Variants in AASDH observed in about 807,000 individuals in gnomAD.
AASDH encodes the protein aminoadipate-semialdehyde dehydrogenase, also known as beta-alanine-activating enzyme.
A neutral mutation model predicts 102.3 loss-of-function variants in AASDH; 81 were observed. The ratio of observed to expected loss-of-function variants is 0.79; its 90% CI spans 0.66 to 0.95. The LOEUF is 0.95. Among genes scored for constraint, AASDH ranks in the 40% least tolerant of loss-of-function variants. The pLI, the probability that AASDH is intolerant of heterozygous loss-of-function variation, is 0.00. For missense variants in AASDH, 1,203 were observed against 1,266.2 expected, an observed-to-expected ratio of 0.95 and a Z score of 0.76; for synonymous variants, 398 against 454.0, an observed-to-expected ratio of 0.88 and a Z score of 1.57.
intron 5 of AASDH, among the ~76,000 whole-genome samples, chr4:56,362,898 C>T (rs576694176): frequency 1.7e-4 from 26 of 152,146 alleles, no homozygotes; most frequent in Admixed American, 1.1e-3. Context: ...TGCAGTGCAC[C>T]GTGTGTAAGC....
At chr4:56,341,389 C>CTTTTTTATTTTTTT in intron 14 of AASDH, among the ~76,000 whole-genome samples, 1 of 92,416 alleles carries the variant, frequency 1.1e-5, no homozygotes, top group Non-Finnish European at 2.0e-5. Context: ...AGACTTTTAT[C>CTTTTTTATTTTTTT]TTTTTTTTTT....
intron 3 of AASDH, among the ~76,000 whole-genome samples, chr4:56,379,562 GATAA>G (rs898009351): frequency 6.6e-6 from 1 of 152,044 alleles, no homozygotes; most frequent in African/African-American, 2.4e-5. Context: ...GGGGTAAAAA[GATAA>G]ATAAATCTCC....
chr4:56,356,596 G>T, intron 5 of AASDH: 1 of 728,324 alleles, frequency 1.4e-6, no homozygotes, highest in Non-Finnish European at 2.5e-6. Context: ...AGCTCAGCTG[G>T]TGGTGACTGC....
chr4:56,353,560 C>CT lies in AASDH; in HGVS notation c.1419dup (p.Val474SerfsTer5), dbSNP rs769641915. 1 of 1,612,752 alleles carries CT rather than the reference C, an allele frequency of 6.2e-7. No individual in the cohort carries two copies. On this transcript the variant is annotated frameshift_variant, in exon 9 of 15. Transcript: ENST00000205214. LOFTEE classifies it high-confidence loss of function. Reference sequence around the variant, plus strand: ...AATTTTTCCTGATTATACCATGTAACTGCACAAGACTCCACTTGCTGAAGC... The same window carrying CT: ...AATTTTTCCTGATTATACCATGTAACTTGCACAAGACTCCACTTGCTGAAGC...
At chr4:56,359,510 C>T (rs1297151742) in intron 5 of AASDH, among the ~76,000 whole-genome samples, 1 of 152,070 alleles carries the variant, frequency 6.6e-6, no homozygotes, top group Non-Finnish European at 1.5e-5. Flanking sequence ...CCACCTCGGC[C>T]CCCCAGAGTG....
intron 4 of AASDH, among the ~76,000 whole-genome samples, chr4:56,376,884 A>G (rs1037829628): frequency 5.9e-5 from 9 of 151,412 alleles, no homozygotes; most frequent in East Asian, 3.9e-4. Context: ...CGGCTAAAAC[A>G]GTGAAACCCC....
chr4:56,339,250 T>C (rs1269554986), intron 14 of AASDH, among the ~76,000 whole-genome samples: 1 of 151,982 alleles, frequency 6.6e-6, no homozygotes, highest in Non-Finnish European at 1.5e-5. Flanking sequence ...GCTTGCCAGG[T>C]TGAAGCGCTT....
rs552744613 is a variant in AASDH, at chr4:56,344,426, G to A, written c.2652+701C>T. Among the ~76,000 whole-genome samples the A allele has an allele frequency of 3.1e-4, 47 of 151,794 alleles. No homozygotes were observed. The South Asian group carries it at 3.3e-3, about 11-fold the overall frequency. ...AACTATTTATATACATTTACTAGCC[G>A]TCTCTTCTTTGGGGTCCTGTGTATT... On this transcript the variant is annotated intron_variant, in intron 12 of 14. Coordinates refer to ENST00000205214, the MANE Select transcript of AASDH (RefSeq NM_181806.4).
chr4:56,346,235 C>T (rs1406157304), intron 11 of AASDH, among the ~76,000 whole-genome samples: 1 of 152,216 alleles, frequency 6.6e-6, no homozygotes, highest in African/African-American at 2.4e-5. Flanking sequence ...ACAGCTCTGC[C>T]TATGGCCGCT....
At chr4:56,341,972 C>T (rs1747741943) in intron 14 of AASDH, among the ~76,000 whole-genome samples, 1 of 151,692 alleles carries the variant, frequency 6.6e-6, no homozygotes, top group Non-Finnish European at 1.5e-5. Context: ...ATTAGCCAGG[C>T]ATGGCAGCAT....
At position 56,349,764 on chromosome 4, in the gene AASDH, G is replaced by T. The variant is rs776659864; in HGVS notation, c.1987C>A (p.Gln663Lys). Reference protein sequence around the residue: ...QEEASGTSLHQKAIMTFTCHN... With the variant: ...QEEASGTSLHKKAIMTFTCHN... ...CAAGTGAAAGTCATGATGGCTTTCT[G>T]ATGTAAAGATGTTCCACTGGCTTCC... The change falls in exon 11 of 15, where the codon CAG becomes AAG. Residue 663 changes from glutamine to lysine, a missense_variant. Physicochemically the swap from Gln to Lys is moderately conservative, Grantham distance 53. Transcript: ENST00000205214. 49 of 1,614,076 alleles carry T rather than the reference G, an allele frequency of 3.0e-5. No homozygotes were observed. The highest frequency in any genetic ancestry group is 3.9e-5 in the Non-Finnish European group (46 of 1,180,042).
At chr4:56,340,093 C>T (rs757372805) in intron 14 of AASDH, among the ~76,000 whole-genome samples, 2 of 151,890 alleles carry the variant, frequency 1.3e-5, no homozygotes, top group Admixed American at 6.6e-5. Flanking sequence ...GGCTTGAACC[C>T]GGGAGGCAGA....
chr4:56,382,468 C>T lies in AASDH; in HGVS notation c.351+9G>A. The T allele has an allele frequency of 6.5e-7, 1 of 1,540,710 alleles. No homozygotes were observed. The highest frequency in any genetic ancestry group is 8.9e-7 in the Non-Finnish European group (1 of 1,124,340). On this transcript the variant is annotated intron_variant, in intron 3 of 14. Coordinates refer to ENST00000205214, the MANE Select transcript of AASDH (RefSeq NM_181806.4). ...ACAGGCAAAAAACAATTGAAACATC[C>T]AGACTTACATTAATTTGTTTTTTTT...
At chr4:56,346,730 C>A (rs1442313071) in intron 11 of AASDH, among the ~76,000 whole-genome samples, 2 of 152,094 alleles carry the variant, frequency 1.3e-5, no homozygotes, top group Non-Finnish European at 2.9e-5. Context: ...AAAAGATACA[C>A]AGAGAGCAAA....
At chr4:56,370,582 T>TCTAATGA (rs1483368639) in intron 5 of AASDH, among the ~76,000 whole-genome samples, 95 of 152,264 alleles carry the variant, frequency 6.2e-4, no homozygotes, top group African/African-American at 2.2e-3. Context: ...AAGACCGCAG[T>TCTAATGA]CTAATGAATC....
chr4:56,385,148 A>G (rs1390665595), intron 1 of AASDH, among the ~76,000 whole-genome samples: 1 of 152,242 alleles, frequency 6.6e-6, no homozygotes, highest in Non-Finnish European at 1.5e-5. Flanking sequence ...AAATTCCAGT[A>G]GGAGCTAAAC....
At chr4:56,386,798 T>TAAAAA (rs1753607901) in intron 1 of AASDH, among the ~76,000 whole-genome samples, 1 of 6,194 alleles carries the variant, frequency 1.6e-4, no homozygotes, top group Non-Finnish European at 3.2e-4. Context: ...AGACTCCGTC[T>TAAAAA]CAAAAAAAAA....
intron 11 of AASDH, among the ~76,000 whole-genome samples, chr4:56,348,120 C>A (rs565972542): frequency 1.3e-5 from 2 of 150,778 alleles, no homozygotes; most frequent in Non-Finnish European, 2.9e-5. Context: ...CACTGCACTC[C>A]AGCCTGGGAA....
intron 14 of AASDH, 21 bp downstream of exon 14, chr4:56,342,814 A>T (rs920060241): frequency 3.3e-6 from 4 of 1,201,610 alleles, no homozygotes; most frequent in Non-Finnish European, 4.3e-6. Context: ...TGTATATATA[A>T]AAAATTTCTA....
Sources: allele counts gnomAD v4.1 joint callset (sites outside exome capture counted in the v4.1 genomes callset), GRCh38; gene constraint gnomAD v4.1.1; transcripts MANE v1.5; gene names NCBI Gene and HGNC (gene_info 2026-07-23, HGNC 2026-07-21).